ADK: variants seen among roughly 807,000 people sequenced by gnomAD.
ADK encodes the protein adenosine kinase.
ADK carries 24 observed loss-of-function variants against 44.7 expected under a neutral mutation model. That is an observed-to-expected ratio of 0.54 (90% CI 0.39 to 0.76). ADK has a LOEUF of 0.76. Among genes scored for constraint, ADK ranks in the 30% least tolerant of loss-of-function variants. The pLI, the probability that ADK is intolerant of heterozygous loss-of-function variation, is 0.00. For missense variants in ADK, 321 were observed against 425.1 expected, an observed-to-expected ratio of 0.76 and a Z score of 2.15; for synonymous variants, 128 against 142.6, an observed-to-expected ratio of 0.90 and a Z score of 0.73.
intron 6 of ADK, among the ~76,000 whole-genome samples, chr10:74,504,754 C>A (rs761854530): frequency 6.6e-6 from 1 of 151,966 alleles, no homozygotes; most frequent in Non-Finnish European, 1.5e-5. Context: ...TCTCGTGGAA[C>A]CTGTTAGTTT....
At chr10:74,164,047 A>G (rs1185383189) in intron 1 of ADK, among the ~76,000 whole-genome samples, 1 of 152,228 alleles carries the variant, frequency 6.6e-6, no homozygotes. Context: ...CTCAGGATGA[A>G]TTGATTATAA....
At chr10:74,383,723 G>T (rs1011421735) in intron 4 of ADK, among the ~76,000 whole-genome samples, 3 of 151,938 alleles carry the variant, frequency 2.0e-5, no homozygotes, top group Admixed American at 1.3e-4. Context: ...ACAAAAAGGG[G>T]TATGAACTAA....
At chr10:74,507,392 C>G (rs775365536) in intron 6 of ADK, among the ~76,000 whole-genome samples, 1 of 151,982 alleles carries the variant, frequency 6.6e-6, no homozygotes, top group Admixed American at 6.6e-5. Context: ...GTGGACAGAT[C>G]GCTTGAGCCC....
intron 1 of ADK, among the ~76,000 whole-genome samples, chr10:74,169,207 A>T (rs1842104134): frequency 6.6e-6 from 1 of 151,972 alleles, no homozygotes; most frequent in African/African-American, 2.4e-5. Flanking sequence ...TGACAGTGGG[A>T]CCCTGTCTTA....
At position 74,398,521 on chromosome 10, in the gene ADK, A is replaced by T; in HGVS notation, c.497A>T (p.His166Leu). The change falls in exon 6 of 11, where the codon CAT (histidine) becomes CTT (leucine). Residue 166 changes from histidine (H) to leucine (L), a missense_variant. By Grantham distance (99) the His-to-Leu change is moderately conservative. Transcript: ENST00000539909. ...GCCAATTGTTATAAAAAGGAAAAAC[A>T]TCTTGATCTGGAGAAAAACTGGATG... Reference protein sequence around the residue: ...AAANCYKKEKHLDLEKNWMLV... With the variant: ...AAANCYKKEKLLDLEKNWMLV... The T allele has an allele frequency of 6.2e-7, 1 of 1,612,022 alleles. No individual in the cohort carries two copies. The highest frequency in any genetic ancestry group is 8.5e-7 in the Non-Finnish European group (1 of 1,178,694).
intron 3 of ADK, among the ~76,000 whole-genome samples, chr10:74,289,970 T>C (rs1322613063): frequency 6.6e-6 from 1 of 152,048 alleles, no homozygotes; most frequent in Non-Finnish European, 1.5e-5. Context: ...AAGATAATAT[T>C]TTTATAGTAA....
At chr10:74,536,538 A>C (rs1849455210) in intron 7 of ADK, among the ~76,000 whole-genome samples, 1 of 152,006 alleles carries the variant, frequency 6.6e-6, no homozygotes, top group African/African-American at 2.4e-5. Flanking sequence ...TAAGTGTACA[A>C]ATCAGTGGCA....
intron 10 of ADK, among the ~76,000 whole-genome samples, chr10:74,678,160 A>G (rs932530582): frequency 6.6e-6 from 1 of 150,534 alleles, no homozygotes; most frequent in African/African-American, 2.4e-5. Context: ...AAAAAAAAAA[A>G]GGATATGAAA....
chr10:74,627,149 T>C (rs944683739), intron 9 of ADK, among the ~76,000 whole-genome samples: 1 of 152,014 alleles, frequency 6.6e-6, no homozygotes, highest in African/African-American at 2.4e-5. Flanking sequence ...TTTGGAGACT[T>C]GGCTCTCACT....
At chr10:74,395,196 CTCCTT>C (rs1843465511) in intron 5 of ADK, among the ~76,000 whole-genome samples, 1 of 152,132 alleles carries the variant, frequency 6.6e-6, no homozygotes, top group Non-Finnish European at 1.5e-5. Flanking sequence ...CATTCCCTAT[CTCCTT>C]TCTTTTCCCA....
At chr10:74,553,095 G>A (rs948505874) in intron 7 of ADK, among the ~76,000 whole-genome samples, 3 of 139,898 alleles carry the variant, frequency 2.1e-5, no homozygotes, top group Admixed American at 7.4e-5. Flanking sequence ...TACCTGAGAA[G>A]AACAAAAACA....
chr10:74,601,334 A>C (rs1246667006), intron 9 of ADK, among the ~76,000 whole-genome samples: 2 of 152,166 alleles, frequency 1.3e-5, no homozygotes, highest in Admixed American at 6.6e-5. Flanking sequence ...ATTAAATATA[A>C]AGCCTGAAAT....
chr10:74,339,284 C>A (rs1841510471), intron 4 of ADK, among the ~76,000 whole-genome samples: 1 of 152,042 alleles, frequency 6.6e-6, no homozygotes, highest in Admixed American at 6.6e-5. Flanking sequence ...AGCCTCTTCA[C>A]AGAATTTCTA....
At chr10:74,380,991 TG>T in intron 4 of ADK, among the ~76,000 whole-genome samples, 1 of 152,146 alleles carries the variant, frequency 6.6e-6, no homozygotes, top group Non-Finnish European at 1.5e-5. Context: ...AGTTTACTAC[TG>T]TAAGTGTTTA....
chr10:74,221,969 T>C (rs1564602310), intron 2 of ADK, among the ~76,000 whole-genome samples: 1 of 152,206 alleles, frequency 6.6e-6, no homozygotes, highest in South Asian at 2.1e-4. Context: ...GGGCAAGGAC[T>C]TCATGACTAA....
intron 7 of ADK, among the ~76,000 whole-genome samples, chr10:74,528,697 A>G (rs914275976): frequency 1.3e-5 from 2 of 152,206 alleles, no homozygotes; most frequent in African/African-American, 4.8e-5. Flanking sequence ...ACATAATTCA[A>G]TAATGATCAA....
At chr10:74,347,571 T>C (rs1029993226) in intron 4 of ADK, among the ~76,000 whole-genome samples, 1 of 151,850 alleles carries the variant, frequency 6.6e-6, no homozygotes, top group Non-Finnish European at 1.5e-5. Flanking sequence ...GAGACAGAAC[T>C]GTTAACTCCC....
intron 3 of ADK, among the ~76,000 whole-genome samples, chr10:74,275,793 A>G (rs2132426238): frequency 6.6e-6 from 1 of 152,148 alleles, no homozygotes; most frequent in Non-Finnish European, 1.5e-5. Context: ...AGTGCGGACC[A>G]CTATGCCTGG....
intron 7 of ADK, among the ~76,000 whole-genome samples, chr10:74,562,406 A>T (rs1850496421): frequency 6.6e-6 from 1 of 152,190 alleles, no homozygotes; most frequent in African/African-American, 2.4e-5. Flanking sequence ...AGCTAGTAGA[A>T]AAGCAAAGAA....
Sources: gnomAD v4.1 joint callset for allele counts (sites outside exome capture counted in the v4.1 genomes callset) on GRCh38, gnomAD v4.1.1 for gene constraint, MANE v1.5 for transcripts, NCBI Gene and HGNC (gene_info 2026-07-23, HGNC 2026-07-21) for gene names.